The following ZNF385D variants were observed in gnomAD, a reference collection of about 807,000 sequenced individuals.
ZNF385D encodes zinc finger protein 659.
A neutral mutation model predicts 35.8 loss-of-function variants in ZNF385D; 15 were observed. That is an observed-to-expected ratio of 0.42 (90% CI 0.28 to 0.64). The LOEUF (loss-of-function observed/expected upper bound fraction) is 0.64, where lower values mean the gene tolerates loss of function less well. Among genes scored for constraint, ZNF385D ranks in the 30% least tolerant of loss-of-function variants. The pLI, the probability that ZNF385D is intolerant of heterozygous loss-of-function variation, is 0.23. For synonymous variants in ZNF385D, 212 were observed against 186.8 expected, an observed-to-expected ratio of 1.13 and a Z score of -1.10; for missense variants, 474 against 494.6, an observed-to-expected ratio of 0.96 and a Z score of 0.39.
chr3:21,492,915 A>G (rs941465188), intron 4 of ZNF385D, among the ~76,000 whole-genome samples: 13 of 152,086 alleles, frequency 8.5e-5, no homozygotes, highest in African/African-American at 2.9e-4. Flanking sequence ...AAAGGGAATA[A>G]TAGTGAACAG....
Position 21,751,177 on chromosome 3 carries a change from G to T in ZNF385D, c.-261C>A. On this transcript the variant is annotated 5_prime_UTR_variant, in exon 1 of 8. Transcript: ENST00000281523. ...CCTTACTGTAATCCGACTCCTCCTT[G>T]CGATGTCCTTGCCGCGCCTGTGACA... 1 of 1,394,824 alleles carries T rather than the reference G, an allele frequency of 7.2e-7. No individual in the cohort carries two copies. 86.4% of individuals were successfully genotyped at this position (1,394,824 alleles called of 1,614,324 possible).
At chr3:21,837,468 G>C (rs9843819) in intron 3 of ZNF385D, among the ~76,000 whole-genome samples, 38,537 of 151,956 alleles carry the variant, frequency 0.25, 5,220 homozygotes, top group Admixed American at 0.3. Flanking sequence ...TCATGGTATG[G>C]TGGGTTCAGG....
chr3:21,954,955 A>G lies in ZNF385D; in HGVS notation c.325+213862T>C, dbSNP rs1158449515. 1.3e-5 allele frequency among the ~76,000 whole-genome samples: 2 copies of G among 152,136 alleles called. 1 individual carries two copies. The highest frequency in any genetic ancestry group is 1.3e-4 in the Admixed American group (2 of 15,268). ...AAGCAAGCAGCCTGCAAGGCTGTCT[A>G]GCCTTCGAAACACTTAGAAATCTGG... On this transcript the variant is annotated intron_variant, in intron 3 of 5. Coordinates refer to the ZNF385D transcript ENST00000494108.
chr3:21,802,125 A>G (rs1250045655), intron 3 of ZNF385D, among the ~76,000 whole-genome samples: 3 of 152,172 alleles, frequency 2.0e-5, no homozygotes, highest in African/African-American at 7.2e-5. Context: ...ATAAAGATGG[A>G]GACATTTTGC....
At chr3:21,945,846 G>A (rs1701757411) in intron 3 of ZNF385D, among the ~76,000 whole-genome samples, 1 of 152,106 alleles carries the variant, frequency 6.6e-6, no homozygotes, top group East Asian at 1.9e-4. Flanking sequence ...TGTTTATACT[G>A]GAAACATAAG....
At chr3:21,444,338 CA>C (rs1702026651) in intron 4 of ZNF385D, among the ~76,000 whole-genome samples, 1 of 150,404 alleles carries the variant, frequency 6.6e-6, no homozygotes, top group African/African-American at 2.4e-5. Context: ...CCTTGGTCTC[CA>C]AAAGTGCTGG....
intron 3 of ZNF385D, among the ~76,000 whole-genome samples, chr3:21,989,990 CTGTTT>C (rs556773531): frequency 5.4e-4 from 82 of 152,216 alleles, no homozygotes; most frequent in Middle Eastern, 3.4e-3. Flanking sequence ...TTCCACCTAT[CTGTTT>C]TATTTTAGCT....
At chr3:21,579,734 A>T (rs952508162) in intron 2 of ZNF385D, 5 of 114,432 alleles carry the variant, frequency 4.4e-5, no homozygotes, top group African/African-American at 1.6e-4. Flanking sequence ...TGTCAAATCC[A>T]TGCTTCCTCT....
chr3:22,131,805 A>G (rs1402782065), intron 3 of ZNF385D, among the ~76,000 whole-genome samples: 1 of 152,178 alleles, frequency 6.6e-6, no homozygotes, highest in Non-Finnish European at 1.5e-5. Flanking sequence ...AGAGAAAGCT[A>G]TTAAACCTTA....
chr3:21,912,138 C>A (rs1243593335), intron 3 of ZNF385D, among the ~76,000 whole-genome samples: 1 of 151,904 alleles, frequency 6.6e-6, no homozygotes, highest in Non-Finnish European at 1.5e-5. Context: ...CACACCAATA[C>A]AAAGCTATCG....
intron 3 of ZNF385D, among the ~76,000 whole-genome samples, chr3:21,792,474 A>G (rs889168319): frequency 2.0e-5 from 3 of 152,322 alleles, no homozygotes; most frequent in Middle Eastern, 3.4e-3. Context: ...TCAGGCTACA[A>G]TGGCACAGTT....
In ZNF385D at chr3:21,858,702, T is replaced by C. The variant is rs898160649; in HGVS notation, c.326-193674A>G. 1.9e-4 allele frequency among the ~76,000 whole-genome samples: 29 copies of C among 152,166 alleles called. 1 individual carries two copies. Among genetic ancestry groups the C allele is most frequent in the African/African-American group, 4.3e-4 (18 of 41,456 alleles). Reference sequence around the variant, plus strand: ...ATATATAAACTACTCAGTTTTATGATAGTTTTGTTAAAGCTGTCTGAACAG... The same window carrying C: ...ATATATAAACTACTCAGTTTTATGACAGTTTTGTTAAAGCTGTCTGAACAG... On this transcript the variant is annotated intron_variant, in intron 3 of 5. Transcript: ENST00000494108.
At position 21,832,129 on chromosome 3, in the gene ZNF385D, T is replaced by A. The variant is rs561735214; in HGVS notation, c.326-167101A>T. Among the ~76,000 whole-genome samples, 238 of 152,336 alleles carry A rather than the reference T, an allele frequency of 1.6e-3. 1 individual carries two copies. Among genetic ancestry groups the A allele is most frequent in the African/African-American group, 5.6e-3 (233 of 41,586 alleles). ...ATCTCTCCTTAAAGTTCATATTTTT[T>A]AAATCTTTTTATTTGTAACAAATTT... On this transcript the variant is annotated intron_variant, in intron 3 of 5. Coordinates refer to the ZNF385D transcript ENST00000494108.
chr3:21,909,502 T>G (rs1559744866), intron 3 of ZNF385D, among the ~76,000 whole-genome samples: 1 of 152,210 alleles, frequency 6.6e-6, no homozygotes, highest in African/African-American at 2.4e-5. Flanking sequence ...GTAACAATCA[T>G]TTTGTCTTTA....
chr3:21,908,145 T>C (rs1391438878), intron 3 of ZNF385D, among the ~76,000 whole-genome samples: 1 of 150,296 alleles, frequency 6.7e-6, no homozygotes, highest in Non-Finnish European at 1.5e-5. Context: ...TATCTATCTA[T>C]CTATCTATCT....
intron 3 of ZNF385D, among the ~76,000 whole-genome samples, chr3:21,971,449 A>T (rs1703251191): frequency 6.8e-6 from 1 of 147,280 alleles, no homozygotes; most frequent in Non-Finnish European, 1.5e-5. Context: ...TGCAAGTTTC[A>T]TGGTAATCTC....
intron 3 of ZNF385D, among the ~76,000 whole-genome samples, chr3:21,902,875 T>G (rs973616846): frequency 1.3e-5 from 2 of 152,238 alleles, no homozygotes; most frequent in Admixed American, 1.3e-4. Context: ...AATACACCCC[T>G]TTAGTAGGAG....
intron 2 of ZNF385D, among the ~76,000 whole-genome samples, chr3:22,267,225 A>T (rs1405757792): frequency 6.6e-6 from 1 of 151,978 alleles, no homozygotes; most frequent in Non-Finnish European, 1.5e-5. Flanking sequence ...CAGATTAAAT[A>T]ATTAGGTTTC....
chr3:21,726,999 G>T (rs575004778), intron 1 of ZNF385D, among the ~76,000 whole-genome samples: 1 of 152,188 alleles, frequency 6.6e-6, no homozygotes, highest in African/African-American at 2.4e-5. Flanking sequence ...ACAGAACAGA[G>T]CCCTCAGAAA....
Sources: allele counts gnomAD v4.1 joint callset (sites outside exome capture counted in the v4.1 genomes callset), GRCh38; gene constraint gnomAD v4.1.1; transcripts MANE v1.5; gene names NCBI Gene and HGNC (gene_info 2026-07-23, HGNC 2026-07-21).